The following FGF12 variants were observed in gnomAD, a reference collection of about 807,000 sequenced individuals.
FGF12 encodes fibroblast growth factor 12.
A neutral mutation model predicts 23.6 loss-of-function variants in FGF12; 14 were observed. The observed-to-expected ratio is 0.59, with a 90% CI of 0.39 to 0.93. The LOEUF (loss-of-function observed/expected upper bound fraction) is 0.93. Among genes scored for constraint, FGF12 ranks in the 40% least tolerant of loss-of-function variants. FGF12 has a pLI of 0.00. For missense variants in FGF12, 175 were observed against 217.8 expected, an observed-to-expected ratio of 0.80 and a Z score of 1.24; for synonymous variants, 62 against 77.3, an observed-to-expected ratio of 0.80 and a Z score of 1.04.
intron 2 of FGF12, among the ~76,000 whole-genome samples, chr3:192,555,825 G>A (rs982244174): frequency 6.6e-6 from 1 of 151,666 alleles, no homozygotes; most frequent in Non-Finnish European, 1.5e-5. Context: ...GATGTAATTT[G>A]TGACATCTAT....
intron 2 of FGF12, among the ~76,000 whole-genome samples, chr3:192,615,872 A>G (rs1353428359): frequency 6.6e-6 from 1 of 152,008 alleles, no homozygotes; most frequent in African/African-American, 2.4e-5. Context: ...CAATAACCAT[A>G]CTCATGTATA....
At chr3:192,723,878 AG>A (rs369498729) in intron 2 of FGF12, among the ~76,000 whole-genome samples, 41 of 115,344 alleles carry the variant, frequency 3.6e-4, no homozygotes, top group East Asian at 1.5e-3. Flanking sequence ...AGAGAGAGAG[AG>A]GAGAGGAGAG....
At chr3:192,235,482 C>A (rs1009949647) in intron 4 of FGF12, among the ~76,000 whole-genome samples, 1 of 152,084 alleles carries the variant, frequency 6.6e-6, no homozygotes, top group African/African-American at 2.4e-5. Context: ...TGCCACCACA[C>A]CCAGCTAATT....
chr3:192,162,868 C>T (rs1226165507), intron 5 of FGF12, among the ~76,000 whole-genome samples: 1 of 152,016 alleles, frequency 6.6e-6, no homozygotes, highest in African/African-American at 2.4e-5. Context: ...ATTTTCATTG[C>T]CTTTAATTTC....
intron 3 of FGF12, among the ~76,000 whole-genome samples, chr3:192,343,091 G>T (rs1717771490): frequency 6.6e-6 from 1 of 152,110 alleles, no homozygotes; most frequent in African/African-American, 2.4e-5. Flanking sequence ...ATCTTTCCAA[G>T]TAACTTCTAA....
At chr3:192,236,422 C>A (rs1264880037) in intron 4 of FGF12, among the ~76,000 whole-genome samples, 2 of 152,156 alleles carry the variant, frequency 1.3e-5, no homozygotes, top group African/African-American at 4.8e-5. Context: ...TGTTAGCTTT[C>A]TGCCTTCATG....
At chr3:192,286,354 G>A (rs577570222) in intron 4 of FGF12, among the ~76,000 whole-genome samples, 6 of 152,126 alleles carry the variant, frequency 3.9e-5, no homozygotes, top group South Asian at 2.1e-4. Context: ...GTTTGGAAGC[G>A]TTCCCACTCA....
At chr3:192,279,253 TAA>T (rs1713997895) in intron 4 of FGF12, among the ~76,000 whole-genome samples, 2 of 140,268 alleles carry the variant, frequency 1.4e-5, no homozygotes, top group African/African-American at 5.4e-5. Flanking sequence ...TATATATATA[TAA>T]AATGTACATT....
At chr3:192,184,095 G>A (rs1265585745) in intron 4 of FGF12, among the ~76,000 whole-genome samples, 3 of 152,076 alleles carry the variant, frequency 2.0e-5, no homozygotes, top group South Asian at 2.1e-4. Context: ...ATGGTGACAG[G>A]TGCCTGTAGT....
At chr3:192,426,282 G>T (rs553624308) in intron 2 of FGF12, among the ~76,000 whole-genome samples, 9 of 152,288 alleles carry the variant, frequency 5.9e-5, no homozygotes, top group Non-Finnish European at 1.3e-4. Context: ...CTGATAGTCT[G>T]TGATTCCAAT....
rs1266578162 is a variant in FGF12, at chr3:192,606,850, C to A, written c.13+120331G>T. Reference sequence around the variant, plus strand: ...CTCCACACCTCCAGTAAACTTCAGTCTTCCCCCTGACTCCCAGGTATAAAT... The same window carrying A: ...CTCCACACCTCCAGTAAACTTCAGTATTCCCCCTGACTCCCAGGTATAAAT... On this transcript the variant is annotated intron_variant, in intron 2 of 5. Transcript: ENST00000445105. Among the ~76,000 whole-genome samples the A allele has an allele frequency of 1.3e-4, 20 of 152,288 alleles. No homozygotes were observed. The East Asian group carries it at 3.1e-3, about 24-fold the overall frequency.
chr3:192,377,116 C>A (rs1166682185), intron 2 of FGF12, among the ~76,000 whole-genome samples: 2 of 152,200 alleles, frequency 1.3e-5, no homozygotes, highest in Non-Finnish European at 2.9e-5. Flanking sequence ...CAACACTTTC[C>A]ACCCATTGCC....
At chr3:192,471,220 A>C (rs1723164933) in intron 2 of FGF12, among the ~76,000 whole-genome samples, 1 of 152,178 alleles carries the variant, frequency 6.6e-6, no homozygotes, top group South Asian at 2.1e-4. Flanking sequence ...TGTTTTATTC[A>C]GATGCAGTTT....
At chr3:192,498,371 T>C (rs1724024423) in intron 2 of FGF12, among the ~76,000 whole-genome samples, 1 of 152,254 alleles carries the variant, frequency 6.6e-6, no homozygotes, top group Non-Finnish European at 1.5e-5. Context: ...GCTTTTACTA[T>C]TTCCTTCTGC....
intron 2 of FGF12, among the ~76,000 whole-genome samples, chr3:192,598,997 C>T (rs564195221): frequency 1.3e-5 from 2 of 152,144 alleles, no homozygotes; most frequent in East Asian, 1.9e-4. Context: ...TCATTCTCAG[C>T]AAGCTAACAC....
intron 2 of FGF12, among the ~76,000 whole-genome samples, chr3:192,430,768 G>A (rs1297209370): frequency 6.6e-6 from 1 of 152,126 alleles, no homozygotes; most frequent in African/African-American, 2.4e-5. Context: ...ACCATGAAGA[G>A]GGTAGTCTTG....
At chr3:192,474,734 A>T (rs1723269270) in intron 2 of FGF12, among the ~76,000 whole-genome samples, 1 of 152,000 alleles carries the variant, frequency 6.6e-6, no homozygotes, top group African/African-American at 2.4e-5. Context: ...AAAAACACAA[A>T]ATTAGCCAGG....
intron 4 of FGF12, chr3:192,238,013 T>C (rs767977060): frequency 3.3e-5 from 5 of 152,340 alleles, no homozygotes; most frequent in Non-Finnish European, 7.3e-5. Flanking sequence ...TTTTCTATTA[T>C]TTGATGCTCT....
At chr3:192,146,551 G>A (rs1713733459) in intron 5 of FGF12, among the ~76,000 whole-genome samples, 1 of 152,164 alleles carries the variant, frequency 6.6e-6, no homozygotes, top group South Asian at 2.1e-4. Flanking sequence ...TTACAGGCAT[G>A]AGCCATCGCG....
Sources: allele counts gnomAD v4.1 joint callset (sites outside exome capture counted in the v4.1 genomes callset), GRCh38; gene constraint gnomAD v4.1.1; transcripts MANE v1.5; gene names NCBI Gene and HGNC (gene_info 2026-07-23, HGNC 2026-07-21).